CACNA2D3: variants seen among roughly 807,000 people sequenced by gnomAD.
CACNA2D3 encodes the protein calcium voltage-gated channel auxiliary subunit alpha2delta 3, also known as voltage-dependent calcium channel subunit alpha-2/delta-3.
CACNA2D3 carries 60 observed loss-of-function variants against 160.6 expected under a neutral mutation model. The observed-to-expected ratio is 0.37, with a 90% CI of 0.30 to 0.46. CACNA2D3 has a LOEUF of 0.46. Ranked by LOEUF, CACNA2D3 falls within the 20% of genes least tolerant of loss-of-function variation. The pLI is 1.00. For synonymous variants in CACNA2D3, 558 were observed against 492.9 expected, an observed-to-expected ratio of 1.13 and a Z score of -1.75; for missense variants, 1,205 against 1,365.0, an observed-to-expected ratio of 0.88 and a Z score of 1.85.
intron 13 of CACNA2D3, among the ~76,000 whole-genome samples, chr3:54,807,070 C>T (rs1289651752): frequency 6.6e-6 from 1 of 152,174 alleles, no homozygotes; most frequent in Non-Finnish European, 1.5e-5. Context: ...AGATTAAAGA[C>T]TTAAACATTA....
intron 13 of CACNA2D3, among the ~76,000 whole-genome samples, chr3:54,781,717 A>C (rs982864044): frequency 7.9e-5 from 12 of 152,268 alleles, no homozygotes; most frequent in African/African-American, 2.7e-4. Flanking sequence ...AACAAGTCTC[A>C]GGCCAATTCT....
chr3:54,894,470 G>T, intron 25 of CACNA2D3: 2 of 441,156 alleles, frequency 4.5e-6, no homozygotes, highest in Non-Finnish European at 9.2e-6. Flanking sequence ...GAATGTCACT[G>T]CCTTAAGTGA....
intron 34 of CACNA2D3, 139 bp downstream of exon 34, chr3:55,009,582 G>C: frequency 1.3e-6 from 1 of 777,784 alleles, no homozygotes; most frequent in Non-Finnish European, 2.2e-6. Context: ...TCAGCAAAAA[G>C]CCAGCCTTTG....
intron 27 of CACNA2D3, among the ~76,000 whole-genome samples, chr3:54,947,400 G>A (rs558229559): frequency 1.3e-5 from 2 of 152,302 alleles, no homozygotes; most frequent in South Asian, 4.1e-4. Context: ...GCTGAGCAGG[G>A]AGAAAGAAAA....
intron 9 of CACNA2D3, among the ~76,000 whole-genome samples, chr3:54,611,646 C>A (rs1185615474): frequency 6.6e-6 from 1 of 152,186 alleles, no homozygotes; most frequent in African/African-American, 2.4e-5. Flanking sequence ...GGGCCCAGGA[C>A]TATCCAGTCT....
Position 54,569,792 on chromosome 3 carries a change from T to C in CACNA2D3, c.677-3T>C, listed in dbSNP as rs1329925871. 4 of 1,592,954 alleles carry C rather than the reference T, an allele frequency of 2.5e-6. No individual in the cohort carries two copies. The highest frequency in any genetic ancestry group is 2.3e-5 in the East Asian group (1 of 44,256). On this transcript the variant is annotated splice_region_variant and splice_polypyrimidine_tract_variant and intron_variant, in intron 6 of 37. Coordinates refer to ENST00000474759, the MANE Select transcript of CACNA2D3 (RefSeq NM_018398.3). ...GTTTCTCATAACCCCATTTTTCTTC[T>C]AGGGATTAAATGGGAACCAGATGAG...
At chr3:54,353,457 C>T (rs890251098) in intron 3 of CACNA2D3, among the ~76,000 whole-genome samples, 28 of 140,876 alleles carry the variant, frequency 2.0e-4, no homozygotes, top group African/African-American at 7.3e-4. Context: ...CCAGGAATAG[C>T]ATTTTTTTTT....
At chr3:54,302,035 C>T (rs112542809) in intron 2 of CACNA2D3, among the ~76,000 whole-genome samples, 2 of 152,306 alleles carry the variant, frequency 1.3e-5, no homozygotes, top group East Asian at 1.9e-4. Flanking sequence ...TCTTGCCTCA[C>T]GTTGTTACTT....
At chr3:54,594,367 A>G (rs1334893855) in intron 9 of CACNA2D3, among the ~76,000 whole-genome samples, 2 of 152,192 alleles carry the variant, frequency 1.3e-5, no homozygotes, top group African/African-American at 4.8e-5. Flanking sequence ...ATGGCCCTTG[A>G]GTCTTAGTTT....
At chr3:54,607,569 A>AT (rs1189301820) in intron 9 of CACNA2D3, among the ~76,000 whole-genome samples, 1 of 152,198 alleles carries the variant, frequency 6.6e-6, no homozygotes, top group Non-Finnish European at 1.5e-5. Flanking sequence ...ACAATACTAA[A>AT]TGCGGGCTAG....
At chr3:54,698,917 A>G (rs1397437869) in intron 11 of CACNA2D3, among the ~76,000 whole-genome samples, 1 of 152,214 alleles carries the variant, frequency 6.6e-6, no homozygotes, top group Non-Finnish European at 1.5e-5. Context: ...AAAAGCTTGT[A>G]CAAATCACTA....
intron 16 of CACNA2D3, among the ~76,000 whole-genome samples, chr3:54,838,957 C>A (rs979023629): frequency 6.6e-6 from 1 of 152,080 alleles, no homozygotes; most frequent in Non-Finnish European, 1.5e-5. Context: ...ACTGGTTTGC[C>A]TTTTAAAAAG....
chr3:54,462,423 T>G (rs1372270865), intron 4 of CACNA2D3, among the ~76,000 whole-genome samples: 8 of 152,172 alleles, frequency 5.3e-5, no homozygotes, highest in East Asian at 1.9e-4. Context: ...TCTCTTTGTA[T>G]GTCACTCAGG....
intron 4 of CACNA2D3, among the ~76,000 whole-genome samples, chr3:54,436,189 A>G (rs926011836): frequency 6.6e-6 from 1 of 152,252 alleles, no homozygotes; most frequent in Non-Finnish European, 1.5e-5. Context: ...ACTCATCATC[A>G]CTGGTCATTA....
At chr3:54,188,830 T>C (rs1700929606) in intron 2 of CACNA2D3, among the ~76,000 whole-genome samples, 2 of 152,230 alleles carry the variant, frequency 1.3e-5, no homozygotes, top group Non-Finnish European at 2.9e-5. Flanking sequence ...AGTGGTGATA[T>C]TAGCTGCCAA....
At chr3:54,466,064 A>G (rs1322360639) in intron 4 of CACNA2D3, among the ~76,000 whole-genome samples, 2 of 152,080 alleles carry the variant, frequency 1.3e-5, no homozygotes, top group African/African-American at 4.8e-5. Context: ...TGTGTTTTGA[A>G]TCTCTCTGAC....
chr3:54,252,100 G>GTTTTTTTTTT (rs548233026), intron 2 of CACNA2D3, among the ~76,000 whole-genome samples: 15,163 of 120,038 alleles, frequency 0.13, 1,801 homozygotes, highest in Admixed American at 0.14. Flanking sequence ...TGCAGAGCTA[G>GTTTTTTTTTT]TTTTTTTTTT....
chr3:54,887,820 A>T, intron 23 of CACNA2D3, 139 bp from the exon 24 acceptor site: 1 of 651,108 alleles, frequency 1.5e-6, no homozygotes, highest in Non-Finnish European at 2.7e-6. Context: ...CATATTTTCA[A>T]CTAGTGGGAA....
chr3:54,993,938 GT>G (rs1702799707), intron 31 of CACNA2D3, among the ~76,000 whole-genome samples: 1 of 139,772 alleles, frequency 7.2e-6, no homozygotes, highest in African/African-American at 2.7e-5. Flanking sequence ...TGTGTGTGTG[GT>G]TTTGCGTGGT....
Sources: gnomAD v4.1 joint callset for allele counts (sites outside exome capture counted in the v4.1 genomes callset) on GRCh38, gnomAD v4.1.1 for gene constraint, MANE v1.5 for transcripts, NCBI Gene and HGNC (gene_info 2026-07-23, HGNC 2026-07-21) for gene names.